SUPT3H: variants seen among roughly 807,000 people sequenced by gnomAD.
The protein encoded by SUPT3H is SPT3 homolog, SAGA and STAGA complex component, also known as transcription initiation protein SPT3 homolog.
In SUPT3H, 44 loss-of-function variants were observed where a neutral mutation model predicts 44.3. That is an observed-to-expected ratio of 0.99 (90% CI 0.78 to 1.28). The LOEUF (loss-of-function observed/expected upper bound fraction) is 1.28, where lower values mean the gene tolerates loss of function less well. Ranked by LOEUF, SUPT3H falls within the 50% of genes most tolerant of loss-of-function variation. SUPT3H has a pLI of 0.00. For synonymous variants in SUPT3H, 124 were observed against 125.6 expected, an observed-to-expected ratio of 0.99 and a Z score of 0.09; for missense variants, 380 against 387.1, an observed-to-expected ratio of 0.98 and a Z score of 0.15.
At chr6:45,144,656 C>A (rs1481041754) in intron 2 of SUPT3H, among the ~76,000 whole-genome samples, 1 of 151,962 alleles carries the variant, frequency 6.6e-6, no homozygotes, top group Non-Finnish European at 1.5e-5. Flanking sequence ...CTAGCCAGAG[C>A]AATCAGACAA....
intron 2 of SUPT3H, among the ~76,000 whole-genome samples, chr6:45,114,808 G>A (rs1800602987): frequency 6.6e-6 from 1 of 152,016 alleles, no homozygotes; most frequent in Non-Finnish European, 1.5e-5. Context: ...TGAATGTTAG[G>A]TCAAAAAATA....
intron 3 of SUPT3H, among the ~76,000 whole-genome samples, chr6:45,054,731 A>G (rs576893356): frequency 3.3e-5 from 5 of 152,152 alleles, no homozygotes; most frequent in Non-Finnish European, 5.9e-5. Context: ...CTTAGGAAAG[A>G]CCAGAAAAGT....
At chr6:44,977,893 T>C (rs1407314161) in intron 6 of SUPT3H, among the ~76,000 whole-genome samples, 2 of 152,182 alleles carry the variant, frequency 1.3e-5, no homozygotes, top group East Asian at 1.9e-4. Flanking sequence ...TTTTGTTTTA[T>C]AGAATTGAAA....
chr6:44,876,418 C>G lies in SUPT3H; in HGVS notation c.913-46561G>C, dbSNP rs937852763. On this transcript the variant is annotated intron_variant, in intron 10 of 10. Transcript: ENST00000371459. ...TATCGCAAGAACAAAAAACCAAACACCGCATATTCTCACTCATAGGTGGGA... is the reference window on the plus strand; with the variant it reads ...TATCGCAAGAACAAAAAACCAAACAGCGCATATTCTCACTCATAGGTGGGA... 2.5e-4 allele frequency among the ~76,000 whole-genome samples: 29 copies of G among 116,664 alleles called. No homozygotes were observed. The East Asian group carries it at 2.6e-3, about 11-fold the overall frequency. 76.5% of individuals were successfully genotyped at this position (116,664 alleles called of 152,430 possible).
intron 2 of SUPT3H, among the ~76,000 whole-genome samples, chr6:45,266,596 A>G (rs970521548): frequency 3.9e-5 from 6 of 152,038 alleles, no homozygotes; most frequent in African/African-American, 1.4e-4. Context: ...AATATTATGA[A>G]TAGACATTTG....
intron 10 of SUPT3H, among the ~76,000 whole-genome samples, chr6:44,900,757 C>A (rs949248765): frequency 8.5e-5 from 13 of 152,190 alleles, no homozygotes; most frequent in Non-Finnish European, 4.4e-5. Flanking sequence ...AGTAGCCTAA[C>A]TGGGAGGCAC....
intron 10 of SUPT3H, among the ~76,000 whole-genome samples, chr6:44,915,133 A>C (rs1767620114): frequency 6.6e-6 from 1 of 152,206 alleles, no homozygotes; most frequent in Non-Finnish European, 1.5e-5. Context: ...AGAGAGTGGC[A>C]AAATTCTCCC....
At chr6:45,054,077 T>C (rs1790749827) in intron 3 of SUPT3H, among the ~76,000 whole-genome samples, 1 of 152,024 alleles carries the variant, frequency 6.6e-6, no homozygotes, top group East Asian at 1.9e-4. Context: ...CCCTTCAGTT[T>C]ATGTGTCACA....
chr6:45,346,061 T>C (rs756174917), intron 2 of SUPT3H, among the ~76,000 whole-genome samples: 1 of 152,128 alleles, frequency 6.6e-6, no homozygotes, highest in Non-Finnish European at 1.5e-5. Flanking sequence ...AACGACACTA[T>C]TTTCACTGGC....
intron 3 of SUPT3H, among the ~76,000 whole-genome samples, chr6:45,103,404 C>T (rs964184087): frequency 4.6e-5 from 7 of 152,044 alleles, no homozygotes; most frequent in Non-Finnish European, 8.8e-5. Flanking sequence ...AAATAATGTT[C>T]CACCTTCTGT....
intron 2 of SUPT3H, among the ~76,000 whole-genome samples, chr6:45,205,849 C>T (rs1381450705): frequency 2.0e-5 from 3 of 151,984 alleles, no homozygotes; most frequent in African/African-American, 7.2e-5. Context: ...CAAAGTTACA[C>T]CACTAAGTTA....
At chr6:45,207,125 AC>A (rs1269640983) in intron 2 of SUPT3H, among the ~76,000 whole-genome samples, 1 of 152,186 alleles carries the variant, frequency 6.6e-6, no homozygotes, top group Non-Finnish European at 1.5e-5. Context: ...AGAAAAGCAA[AC>A]AACATCTAGG....
At chr6:45,130,684 T>TAA (rs1224454157) in intron 2 of SUPT3H, among the ~76,000 whole-genome samples, 836 of 50,690 alleles carry the variant, frequency 0.016, 7 homozygotes, top group Non-Finnish European at 0.026. Context: ...AAGACAAAGG[T>TAA]AAAAAAAAAA....
intron 1 of SUPT3H, chr6:45,371,972 A>C: frequency 1.2e-6 from 1 of 818,184 alleles, no homozygotes; most frequent in Non-Finnish European, 1.5e-6. Flanking sequence ...ACTAAAACTG[A>C]GGTCCCCCGA....
intron 3 of SUPT3H, among the ~76,000 whole-genome samples, chr6:45,069,220 T>G (rs1239627167): frequency 6.6e-6 from 1 of 152,126 alleles, no homozygotes; most frequent in Non-Finnish European, 1.5e-5. Flanking sequence ...AATACCACAA[T>G]AACAGTATAA....
intron 6 of SUPT3H, among the ~76,000 whole-genome samples, chr6:44,986,903 G>T (rs140218502): frequency 1.2e-3 from 176 of 152,138 alleles, no homozygotes; most frequent in African/African-American, 4.0e-3. Flanking sequence ...AGTAGAGTAA[G>T]GATTTAGAAA....
At chr6:45,016,603 T>C (rs2153515212) in intron 4 of SUPT3H, among the ~76,000 whole-genome samples, 1 of 151,102 alleles carries the variant, frequency 6.6e-6, no homozygotes, top group African/African-American at 2.4e-5. Context: ...GTTTGGTTTT[T>C]TGTCCTTGTG....
Position 44,932,777 on chromosome 6 carries a change from A to C in SUPT3H, c.802-14T>G. ...GGCTGCAGTGCTCTGCGACAGAAAA[A>C]CACATAAATTGTTACTAAATCAAAA... On this transcript the variant is annotated splice_polypyrimidine_tract_variant and intron_variant, in intron 9 of 10. Transcript: ENST00000371459. 1 of 1,556,324 alleles carries C rather than the reference A, an allele frequency of 6.4e-7. No individual in the cohort carries two copies. The highest frequency in any genetic ancestry group is 8.8e-7 in the Non-Finnish European group (1 of 1,142,744).
At chr6:44,903,257 A>C (rs1002924274) in intron 10 of SUPT3H, among the ~76,000 whole-genome samples, 6 of 152,174 alleles carry the variant, frequency 3.9e-5, no homozygotes, top group Admixed American at 3.3e-4. Flanking sequence ...TTTTTTGAAA[A>C]GAACAACAAA....
Sources: allele counts gnomAD v4.1 joint callset (sites outside exome capture counted in the v4.1 genomes callset), GRCh38; gene constraint gnomAD v4.1.1; transcripts MANE v1.5; gene names NCBI Gene and HGNC (gene_info 2026-07-23, HGNC 2026-07-21).